TMC1: variants seen among roughly 807,000 people sequenced by gnomAD.
TMC1 encodes transmembrane channel like 1, also known as transmembrane channel-like protein 1.
Under a neutral mutation model 105.8 loss-of-function variants are expected in TMC1, and 84 were observed. The ratio of observed to expected loss-of-function variants is 0.79; its 90% CI spans 0.67 to 0.95. TMC1 has a LOEUF of 0.95. Among genes scored for constraint, TMC1 ranks in the 40% least tolerant of loss-of-function variants. TMC1 has a pLI of 0.00. For missense variants in TMC1, 817 were observed against 914.1 expected (o/e 0.89, Z 1.37); for synonymous variants, 315 against 311.5 (o/e 1.01, Z -0.12).
At position 72,574,062 on chromosome 9, in the gene TMC1, G is replaced by A. The variant is rs186946403; in HGVS notation, c.-427-3840G>A. Among the ~76,000 whole-genome samples, 143 of 152,212 alleles carry A rather than the reference G, an allele frequency of 9.4e-4. 1 individual carries two copies. Among genetic ancestry groups the A allele is most frequent in the African/African-American group, 3.1e-3 (127 of 41,540 alleles). On this transcript the variant is annotated intron_variant, in intron 1 of 23. Coordinates refer to ENST00000297784, the MANE Select transcript of TMC1 (RefSeq NM_138691.3). ...GCAGTATATGATTTTCTGTTCCTGC[G>A]TTAGTTTGCTGATGATAATAGCCTC...
chr9:72,633,339 A>G (rs537906225), intron 4 of TMC1, among the ~76,000 whole-genome samples: 4 of 152,322 alleles, frequency 2.6e-5, no homozygotes, highest in African/African-American at 9.6e-5. Context: ...TGTTAGGTCA[A>G]ACAGTTTTCT....
intron 13 of TMC1, among the ~76,000 whole-genome samples, chr9:72,772,820 A>T (rs1332560333): frequency 6.6e-6 from 1 of 152,118 alleles, no homozygotes; most frequent in African/African-American, 2.4e-5. Context: ...CATATTTTTT[A>T]AATGTGTATT....
At chr9:72,751,751 C>T in intron 10 of TMC1, 99 bp from the exon 11 acceptor site, 2 of 788,230 alleles carry the variant, frequency 2.5e-6, no homozygotes, top group East Asian at 2.4e-5. Flanking sequence ...CAATGCCTCA[C>T]AATTAATGGA....
intron 8 of TMC1, among the ~76,000 whole-genome samples, chr9:72,727,427 A>C (rs2589606): frequency 0.23 from 34,363 of 152,068 alleles, 4,175 homozygotes; most frequent in East Asian, 0.38. Context: ...GAAAAAAAAG[A>C]CTAAGTAAAA....
At chr9:72,729,427 T>A (rs1452174666) in intron 8 of TMC1, among the ~76,000 whole-genome samples, 1 of 152,190 alleles carries the variant, frequency 6.6e-6, no homozygotes, top group Admixed American at 6.5e-5. Context: ...ACTGCTTGTT[T>A]TCAGATAGTC....
chr9:72,562,552 T>C (rs1307736473), intron 1 of TMC1, among the ~76,000 whole-genome samples: 2 of 152,234 alleles, frequency 1.3e-5, no homozygotes, highest in African/African-American at 4.8e-5. Flanking sequence ...CAATTTAGTT[T>C]GATTCACAAG....
At chr9:72,530,689 GTGACC>G (rs1335644825) in intron 1 of TMC1, among the ~76,000 whole-genome samples, 1 of 151,222 alleles carries the variant, frequency 6.6e-6, no homozygotes, top group Non-Finnish European at 1.5e-5. Flanking sequence ...ATAACTTTTA[GTGACC>G]TGTCTCCTAG....
At chr9:72,592,046 A>G (rs1824647668) in intron 2 of TMC1, among the ~76,000 whole-genome samples, 2 of 152,152 alleles carry the variant, frequency 1.3e-5, no homozygotes, top group South Asian at 4.1e-4. Flanking sequence ...TACACAGAAC[A>G]GCCCTTTTGC....
chr9:72,688,481 T>C (rs1436425485), intron 5 of TMC1, among the ~76,000 whole-genome samples: 1 of 152,166 alleles, frequency 6.6e-6, no homozygotes, highest in Non-Finnish European at 1.5e-5. Context: ...ATAACTGTTA[T>C]GTTTTGCAAA....
intron 5 of TMC1, among the ~76,000 whole-genome samples, chr9:72,666,760 A>G (rs1209540836): frequency 1.3e-5 from 2 of 152,038 alleles, no homozygotes; most frequent in Non-Finnish European, 2.9e-5. Context: ...AGATAACATA[A>G]TGTCACGGCC....
intron 5 of TMC1, among the ~76,000 whole-genome samples, chr9:72,685,146 G>A (rs563714781): frequency 1.7e-3 from 186 of 111,036 alleles, no homozygotes; most frequent in African/African-American, 6.2e-3. Flanking sequence ...TTGCTCTTTC[G>A]CCCAGGCCAG....
chr9:72,611,819 C>T (rs1489002630), intron 2 of TMC1, among the ~76,000 whole-genome samples: 4 of 152,096 alleles, frequency 2.6e-5, no homozygotes, highest in Non-Finnish European at 5.9e-5. Context: ...AAAAGACCAC[C>T]CTGTGTTGAT....
At chr9:72,732,477 A>C (rs892501337) in intron 8 of TMC1, among the ~76,000 whole-genome samples, 1 of 151,592 alleles carries the variant, frequency 6.6e-6, no homozygotes, top group Non-Finnish European at 1.5e-5. Flanking sequence ...AGACATGAGA[A>C]TCTCTTGAAC....
intron 2 of TMC1, among the ~76,000 whole-genome samples, chr9:72,589,199 CTACT>C (rs1180907339): frequency 6.6e-6 from 1 of 152,198 alleles, no homozygotes; most frequent in Non-Finnish European, 1.5e-5. Context: ...TACCTCCTAG[CTACT>C]TACTTCTACT....
intron 5 of TMC1, among the ~76,000 whole-genome samples, chr9:72,655,484 T>C (rs572913721): frequency 1.3e-5 from 2 of 152,282 alleles, no homozygotes; most frequent in South Asian, 2.1e-4. Context: ...CTCTCCCTTC[T>C]GGGACTCCAA....
chr9:72,523,955 A>G (rs915258997), intron 1 of TMC1, among the ~76,000 whole-genome samples: 3 of 152,238 alleles, frequency 2.0e-5, no homozygotes, highest in South Asian at 4.1e-4. Flanking sequence ...AATTGCAGCC[A>G]CAAGTCTACA....
intron 1 of TMC1, among the ~76,000 whole-genome samples, chr9:72,526,877 G>C (rs894265573): frequency 6.6e-5 from 10 of 152,188 alleles, no homozygotes; most frequent in Non-Finnish European, 1.5e-4. Flanking sequence ...CTTCCTTCCA[G>C]AGTTGTGCAC....
At chr9:72,704,985 C>A (rs1486246843) in intron 8 of TMC1, among the ~76,000 whole-genome samples, 3 of 151,956 alleles carry the variant, frequency 2.0e-5, no homozygotes, top group Non-Finnish European at 4.4e-5. Flanking sequence ...GTCATATTTT[C>A]CAATTATTTG....
chr9:72,818,365 C>T (rs1368444463), intron 19 of TMC1, among the ~76,000 whole-genome samples: 1 of 152,102 alleles, frequency 6.6e-6, no homozygotes, highest in African/African-American at 2.4e-5. Flanking sequence ...TGATTAGTAA[C>T]CTTTATTTAC....
Sources: gnomAD v4.1 joint callset for allele counts (sites outside exome capture counted in the v4.1 genomes callset) on GRCh38, gnomAD v4.1.1 for gene constraint, MANE v1.5 for transcripts, NCBI Gene and HGNC (gene_info 2026-07-23, HGNC 2026-07-21) for gene names.